The following CDKL4 variants were observed in gnomAD, a reference collection of about 807,000 sequenced individuals.
CDKL4 encodes cyclin-dependent kinase-like 4.
CDKL4 carries 44 observed loss-of-function variants against 42.0 expected under a neutral mutation model. That is an observed-to-expected ratio of 1.05 (90% CI 0.82 to 1.35). The LOEUF (loss-of-function observed/expected upper bound fraction) is 1.35, where lower values mean the gene tolerates loss of function less well. Among genes scored for constraint, CDKL4 ranks in the 40% most tolerant of loss-of-function variants. The probability of loss-of-function intolerance (pLI) is 0.00; values close to 1 mark genes in which losing one functional copy is unlikely to be tolerated. For synonymous variants in CDKL4, 120 were observed against 121.6 expected (o/e 0.99, Z 0.09); for missense variants, 393 against 369.9 (o/e 1.06, Z -0.51).
intron 3 of CDKL4, among the ~76,000 whole-genome samples, chr2:39,223,155 G>A (rs1295199948): frequency 6.6e-6 from 1 of 152,006 alleles, no homozygotes; most frequent in Admixed American, 6.6e-5. Flanking sequence ...GCTGCATATT[G>A]TACTATTGTA....
intron 2 of CDKL4, among the ~76,000 whole-genome samples, chr2:39,229,036 G>C (rs899237848): frequency 6.6e-6 from 1 of 152,130 alleles, no homozygotes; most frequent in Non-Finnish European, 1.5e-5. Flanking sequence ...TGCTCTTTTA[G>C]TTGCTGGTTG....
At chr2:39,239,900 G>T (rs1679572424) in intron 1 of CDKL4, among the ~76,000 whole-genome samples, 1 of 151,852 alleles carries the variant, frequency 6.6e-6, no homozygotes, top group South Asian at 2.1e-4. Context: ...GACCAGCCTG[G>T]CCAACATGGT....
chr2:39,203,599 AT>A (rs1187940195), intron 5 of CDKL4, among the ~76,000 whole-genome samples: 1 of 152,152 alleles, frequency 6.6e-6, no homozygotes, highest in Non-Finnish European at 1.5e-5. Context: ...CTGAATACAT[AT>A]GTTTTCACTT....
chr2:39,177,128 C>CT (rs1301211070), intron 9 of CDKL4, among the ~76,000 whole-genome samples: 1 of 152,272 alleles, frequency 6.6e-6, no homozygotes, highest in African/African-American at 2.4e-5. Context: ...TGTTTCTTTC[C>CT]TTTTGCTGCC....
upstream of CDKL4, among the ~76,000 whole-genome samples, chr2:39,245,256 G>C (rs561353068): frequency 6.6e-5 from 10 of 152,214 alleles, no homozygotes; most frequent in African/African-American, 2.2e-4. Context: ...CTTGAAGCCA[G>C]CGACACCACG....
intron 3 of CDKL4, among the ~76,000 whole-genome samples, chr2:39,220,976 CTTT>C (rs1157655136): frequency 0.09 from 4,474 of 49,530 alleles, 252 homozygotes; most frequent in South Asian, 0.25. Context: ...CATCGACGAT[CTTT>C]TTTTTTTTTT....
At chr2:39,174,955 T>C (rs1441109769), downstream of CDKL4, among the ~76,000 whole-genome samples, 2 of 152,114 alleles carry the variant, frequency 1.3e-5, no homozygotes, top group African/African-American at 2.4e-5. Flanking sequence ...AAAAAATATA[T>C]ATATGTATAT....
At chr2:39,173,231 T>C (rs1473982340), downstream of CDKL4, among the ~76,000 whole-genome samples, 1 of 152,204 alleles carries the variant, frequency 6.6e-6, no homozygotes, top group Non-Finnish European at 1.5e-5. Context: ...TAGAGAGATA[T>C]ATATTTAAGA....
chr2:39,215,291 G>A (rs1163692837), intron 3 of CDKL4, among the ~76,000 whole-genome samples: 1 of 151,802 alleles, frequency 6.6e-6, no homozygotes, highest in Non-Finnish European at 1.5e-5. Flanking sequence ...TTCTTCTTTT[G>A]TGTAATTCCA....
intron 3 of CDKL4, among the ~76,000 whole-genome samples, chr2:39,223,736 C>T (rs1001024259): frequency 2.0e-5 from 3 of 152,018 alleles, no homozygotes; most frequent in Non-Finnish European, 1.5e-5. Context: ...CCTCAGCCTC[C>T]CAACTAGCTG....
At position 39,236,691 on chromosome 2, in the gene CDKL4, AAAAG is replaced by A. The variant is rs370808611; in HGVS notation, c.-56-7107_-56-7104del. ...AAGCTCTAGCTAGAGTAGGCAAGAAAAAAGAAAGAAAGAAAAGTTATCAAAATTA... is the reference window on the plus strand; with the variant it reads ...AAGCTCTAGCTAGAGTAGGCAAGAAAAAAGAAAGAAAAGTTATCAAAATTA... On this transcript the variant is annotated intron_variant, in intron 1 of 9. Coordinates refer to ENST00000451199, the Ensembl canonical transcript of CDKL4. 2.8e-3 allele frequency among the ~76,000 whole-genome samples: 432 copies of A among 152,316 alleles called. 4 individuals carry two copies. Among genetic ancestry groups the A allele is most frequent in the African/African-American group, 9.7e-3 (402 of 41,586 alleles).
chr2:39,217,454 A>C (rs1372004212), intron 3 of CDKL4, among the ~76,000 whole-genome samples: 1 of 152,218 alleles, frequency 6.6e-6, no homozygotes, highest in Non-Finnish European at 1.5e-5. Flanking sequence ...ATTACCTGGA[A>C]GTTTGTTATA....
chr2:39,245,300 G>A (rs547280168), upstream of CDKL4, among the ~76,000 whole-genome samples: 1 of 151,978 alleles, frequency 6.6e-6, no homozygotes, highest in Non-Finnish European at 1.5e-5. Context: ...CTCCAGACGC[G>A]CTGCCTTAAG....
intron 5 of CDKL4, among the ~76,000 whole-genome samples, chr2:39,192,946 T>C (rs1157255451): frequency 6.8e-6 from 1 of 146,748 alleles, no homozygotes; most frequent in Non-Finnish European, 1.5e-5. Flanking sequence ...GGCAACATGG[T>C]GAAATCTTGT....
rs182443755 is a variant in CDKL4 at position 39,223,761 on chromosome 2, G to A, written c.290+2078C>T. On this transcript the variant is annotated intron_variant, in intron 3 of 9. Transcript: ENST00000451199. ...CCAACTAGCTGGGACAACAGGCTAGGTTAATTTTTGTAGTTTTTGTAGAGA... is the reference window on the plus strand; with the variant it reads ...CCAACTAGCTGGGACAACAGGCTAGATTAATTTTTGTAGTTTTTGTAGAGA... Among the ~76,000 whole-genome samples the A allele has an allele frequency of 2.9e-3, 442 of 152,016 alleles. 2 individuals are homozygous for A. Among genetic ancestry groups the A allele is most frequent in the South Asian group, 0.012 (60 of 4,826 alleles).
At chr2:39,230,122 G>A (rs1679009604) in intron 1 of CDKL4, among the ~76,000 whole-genome samples, 1 of 152,246 alleles carries the variant, frequency 6.6e-6, no homozygotes, top group Admixed American at 6.5e-5. Context: ...GCTCAAGCCT[G>A]TAATCCCAGA....
intron 2 of CDKL4, among the ~76,000 whole-genome samples, chr2:39,226,284 C>T (rs1009205034): frequency 6.6e-6 from 1 of 151,000 alleles, no homozygotes; most frequent in Non-Finnish European, 1.5e-5. Context: ...TTACATATTG[C>T]CATGGATTTT....
chr2:39,182,403 T>G (rs1675490068), intron 8 of CDKL4, among the ~76,000 whole-genome samples: 1 of 152,244 alleles, frequency 6.6e-6, no homozygotes, highest in Non-Finnish European at 1.5e-5. Context: ...ACACTGCTAA[T>G]GCTGAGCTCT....
At chr2:39,222,493 G>A (rs1026161232) in intron 3 of CDKL4, among the ~76,000 whole-genome samples, 1 of 152,126 alleles carries the variant, frequency 6.6e-6, no homozygotes, top group Non-Finnish European at 1.5e-5. Context: ...GGGAGGCTGA[G>A]GTGGGAGGAC....
Sources: gnomAD v4.1 joint callset for allele counts (sites outside exome capture counted in the v4.1 genomes callset) on GRCh38, gnomAD v4.1.1 for gene constraint, MANE v1.5 for transcripts, NCBI Gene and HGNC (gene_info 2026-07-23, HGNC 2026-07-21) for gene names.